The following CHM variants were observed in gnomAD, a reference collection of about 807,000 sequenced individuals.
CHM encodes the protein CHM Rab escort protein, also known as rab proteins geranylgeranyltransferase component A 1.
CHM carries 10 observed loss-of-function variants against 49.0 expected under a neutral mutation model. That is an observed-to-expected ratio of 0.20 (90% confidence interval 0.13 to 0.35). The LOEUF is 0.35. CHM is among the 10% of genes least tolerant of loss of function. CHM has a pLI of 1.00. For synonymous variants in CHM, 184 were observed against 167.5 expected (o/e 1.10, Z -0.76); for missense variants, 455 against 478.4 (o/e 0.95, Z 0.46).
At chrX:85,929,041 TAA>T (rs1311057426) in intron 8 of CHM, among the ~76,000 whole-genome samples, 1 of 111,207 alleles carries the variant, frequency 9.0e-6, no homozygotes, top group Non-Finnish European at 1.9e-5. Context: ...CCAAAAGAAG[TAA>T]AAAGTCTCAA....
At chrX:86,034,545 C>T (rs1447390174) in intron 1 of CHM, among the ~76,000 whole-genome samples, 1 of 111,930 alleles carries the variant, frequency 8.9e-6, no homozygotes, top group Non-Finnish European at 1.9e-5. Context: ...CTTTGGGAGG[C>T]TGAGGTGGGC....
intron 4 of CHM, among the ~76,000 whole-genome samples, chrX:85,968,408 T>C (rs1239531420): frequency 1.8e-5 from 2 of 112,172 alleles, no homozygotes; most frequent in East Asian, 5.6e-4. Context: ...GGACTGTTGG[T>C]TGTCTACTCA....
chrX:85,893,260 C>T, intron 12 of CHM, among the ~76,000 whole-genome samples: 1 of 111,720 alleles, frequency 9.0e-6, no homozygotes, highest in African/African-American at 3.3e-5. Context: ...ATAATGTATA[C>T]TTATTGACTC....
At chrX:85,921,024 C>T (rs1401643807) in intron 8 of CHM, among the ~76,000 whole-genome samples, 1 of 111,928 alleles carries the variant, frequency 8.9e-6, no homozygotes, top group Non-Finnish European at 1.9e-5. Flanking sequence ...TTAGATAGTG[C>T]AAAAACTCAA....
chrX:86,003,183 G>A (rs951801412), intron 2 of CHM, among the ~76,000 whole-genome samples: 4 of 112,070 alleles, frequency 3.6e-5, no homozygotes, highest in Non-Finnish European at 7.5e-5. Flanking sequence ...CTGTTAGAAG[G>A]AAAACTGACA....
chrX:86,015,085 T>C (rs1933236472), intron 2 of CHM, among the ~76,000 whole-genome samples: 1 of 110,845 alleles, frequency 9.0e-6, no homozygotes, highest in African/African-American at 3.3e-5. Flanking sequence ...TCTAAAGGAA[T>C]AGAAACTTCT....
chrX:85,934,628 G>A (rs1344417703), intron 8 of CHM, among the ~76,000 whole-genome samples: 1 of 109,626 alleles, frequency 9.1e-6, no homozygotes, highest in Non-Finnish European at 1.9e-5. Flanking sequence ...CCTTTTTTAT[G>A]GCTGCATAGT....
chrX:85,889,264 A>C (rs1461514360), intron 12 of CHM, among the ~76,000 whole-genome samples: 4 of 112,412 alleles, frequency 3.6e-5, no homozygotes, highest in Non-Finnish European at 7.5e-5. Flanking sequence ...AATTATCAAC[A>C]GAGTGAACAA....
At chrX:85,885,940 T>A (rs1411221055) in intron 12 of CHM, among the ~76,000 whole-genome samples, 1 of 111,841 alleles carries the variant, frequency 8.9e-6, no homozygotes, top group Non-Finnish European at 1.9e-5. Flanking sequence ...AATGATTTTT[T>A]AAAAATATAA....
At chrX:85,998,883 T>C (rs989188006) in intron 2 of CHM, among the ~76,000 whole-genome samples, 3 of 111,899 alleles carry the variant, frequency 2.7e-5, no homozygotes, top group Non-Finnish European at 5.6e-5. Flanking sequence ...AAGGATGACA[T>C]GTATATCTTA....
intron 8 of CHM, 123 bp downstream of exon 8, chrX:85,956,030 T>A: frequency 1.9e-6 from 1 of 534,351 alleles, no homozygotes; most frequent in Non-Finnish European, 3.1e-6. Context: ...AAAAAATAAA[T>A]AGAATAAAGT....
chrX:85,909,133 C>G (rs920931633), intron 9 of CHM, among the ~76,000 whole-genome samples: 15 of 111,494 alleles, frequency 1.3e-4, no homozygotes, highest in African/African-American at 4.9e-4. Context: ...CAAGTCTCCT[C>G]TCATTCAAGG....
At chrX:85,991,755 G>GTT (rs35959265) in intron 2 of CHM, among the ~76,000 whole-genome samples, 74 of 105,567 alleles carry the variant, frequency 7.0e-4, no homozygotes, top group Non-Finnish European at 1.2e-3. Flanking sequence ...CAACAAACAT[G>GTT]TTTTTTTTTT....
rs189100090 is a variant in CHM at position 85,944,584 on chromosome X, G to T, written c.1166+11569C>A. On this transcript the variant is annotated intron_variant, in intron 8 of 14. Coordinates refer to ENST00000357749, the MANE Select transcript of CHM (RefSeq NM_000390.4). ...GATACATATATCCATTTATATATTT[G>T]TAACTTTTGGCCTTCTCTAAATCTC... 4.5e-5 allele frequency among the ~76,000 whole-genome samples: 5 copies of T among 111,748 alleles called. No homozygotes were observed. The East Asian group carries it at 1.4e-3, about 32-fold the overall frequency.
chrX:86,016,209 A>G (rs1442889375), intron 2 of CHM, among the ~76,000 whole-genome samples: 1 of 111,647 alleles, frequency 9.0e-6, no homozygotes, highest in African/African-American at 3.3e-5. Flanking sequence ...CAGGGCATAA[A>G]AGTTCAGAAA....
chrX:85,875,297 C>CA (rs1402702755), intron 13 of CHM, among the ~76,000 whole-genome samples: 2 of 111,699 alleles, frequency 1.8e-5, no homozygotes, highest in African/African-American at 6.5e-5. Context: ...GCAAAACTGT[C>CA]AAAAAATATT....
intron 8 of CHM, among the ~76,000 whole-genome samples, chrX:85,951,015 A>G (rs944408861): frequency 2.7e-5 from 3 of 112,134 alleles, no homozygotes; most frequent in African/African-American, 9.7e-5. Context: ...TCAGCCTAGC[A>G]TTGTTTACTC....
chrX:85,910,584 CT>C (rs1401389336), intron 9 of CHM, among the ~76,000 whole-genome samples: 1 of 111,435 alleles, frequency 9.0e-6, no homozygotes, highest in Non-Finnish European at 1.9e-5. Flanking sequence ...GTGTTCAGCT[CT>C]TTTAAAGAAA....
intron 8 of CHM, among the ~76,000 whole-genome samples, chrX:85,939,856 T>C (rs372753907): frequency 8.0e-5 from 9 of 112,138 alleles, no homozygotes; most frequent in African/African-American, 1.6e-4. Flanking sequence ...GTTCCTTAAA[T>C]AGATTTTACT....
Sources: gnomAD v4.1 joint callset for allele counts (sites outside exome capture counted in the v4.1 genomes callset) on GRCh38, gnomAD v4.1.1 for gene constraint, MANE v1.5 for transcripts, NCBI Gene and HGNC (gene_info 2026-07-23, HGNC 2026-07-21) for gene names.